Variants in COL5A3 observed in about 807,000 individuals in gnomAD.
COL5A3 encodes collagen alpha-3(V) chain.
Under a neutral mutation model 250.0 loss-of-function variants are expected in COL5A3, and 172 were observed. The ratio of observed to expected loss-of-function variants is 0.69; its 90% CI spans 0.61 to 0.78. The LOEUF is 0.78. Ranked by LOEUF, COL5A3 falls within the 30% of genes least tolerant of loss-of-function variation. COL5A3 has a pLI of 0.00. For missense variants in COL5A3, 2,340 were observed against 2,334.4 expected, an observed-to-expected ratio of 1.00 and a Z score of -0.05; for synonymous variants, 937 against 900.4, an observed-to-expected ratio of 1.04 and a Z score of -0.73.
At chr19:9,972,009 T>C (rs745688714) in intron 51 of COL5A3, among the ~76,000 whole-genome samples, 1 of 152,186 alleles carries the variant, frequency 6.6e-6, no homozygotes, top group Non-Finnish European at 1.5e-5. Context: ...TCCATTCGTT[T>C]ATTCACTCAT....
At chr19:9,980,070 G>A in intron 35 of COL5A3, 23 bp from the exon 36 acceptor site, 1 of 1,591,418 alleles carries the variant, frequency 6.3e-7, no homozygotes, top group South Asian at 1.1e-5. Context: ...CAGAAATCAT[G>A]ATCTCATCCC....
Position 9,968,583 on chromosome 19 carries a change from C to T in COL5A3, c.4207-91G>A. 6 of 1,574,224 alleles carry T rather than the reference C, an allele frequency of 3.8e-6. No individual in the cohort carries two copies. The highest frequency in any genetic ancestry group is 3.5e-6 in the Non-Finnish European group (4 of 1,149,260). ...AGCCTTAGGGTGATGAGTTTGGGAG[C>T]AGAGGATGCACCAATCTCCCAGCCC... On this transcript the variant is annotated intron_variant, in intron 58 of 66. Coordinates refer to ENST00000264828, the MANE Select transcript of COL5A3 (RefSeq NM_015719.4). This position sits in a 1 kb window ranked among gnomAD's most constrained non-coding sequence, Gnocchi z 4.1.
chr19:9,989,018 C>A (rs1225612068), intron 27 of COL5A3, 106 bp downstream of exon 27: 4 of 1,213,046 alleles, frequency 3.3e-6, no homozygotes, highest in Non-Finnish European at 4.9e-6. Context: ...TTTGGCCTGG[C>A]CAACTGATTC....
chr19:9,986,525 A>C (rs1287597716), intron 29 of COL5A3, 28 bp downstream of exon 29: 1 of 1,611,354 alleles, frequency 6.2e-7, no homozygotes, highest in Admixed American at 1.7e-5. Flanking sequence ...CCAGACCCAC[A>C]CCACCCCTCA....
chr19:9,971,173 T>C, intron 52 of COL5A3, 32 bp downstream of exon 52: 1 of 1,525,426 alleles, frequency 6.6e-7, no homozygotes. Flanking sequence ...AATTAGGAAA[T>C]ATGCCAGGAT....
intron 41 of COL5A3, among the ~76,000 whole-genome samples, chr19:9,978,166 A>C (rs1306700456): frequency 6.6e-6 from 1 of 151,898 alleles, no homozygotes; most frequent in Non-Finnish European, 1.5e-5. Context: ...TACTGGATAA[A>C]TGATCTCAAT....
chr19:10,001,066 A>G (rs1234804388), intron 8 of COL5A3, among the ~76,000 whole-genome samples: 1 of 152,220 alleles, frequency 6.6e-6, no homozygotes, highest in Non-Finnish European at 1.5e-5. Flanking sequence ...CTATGTAACA[A>G]GCCTGCACTT....
intron 64 of COL5A3, among the ~76,000 whole-genome samples, chr19:9,964,068 G>A (rs2145048201): frequency 6.6e-6 from 1 of 152,276 alleles, no homozygotes; most frequent in South Asian, 2.1e-4. Flanking sequence ...AGCTACTCGG[G>A]AGGCTAAGGC....
At position 10,010,468 on chromosome 19, in the gene COL5A3, T is replaced by C. The variant is rs2087514794; in HGVS notation, c.-83A>G. The C allele has an allele frequency of 2.2e-6, 2 of 917,664 alleles. No individual in the cohort carries two copies. The highest frequency in any genetic ancestry group is 3.2e-5 in the South Asian group (1 of 30,874). 56.8% of individuals were successfully genotyped at this position (917,664 alleles called of 1,614,324 possible). On this transcript the variant is annotated 5_prime_UTR_variant, in exon 1 of 67. Transcript: ENST00000264828. ...GACTTCTCGGGCTCGGTGCAGTCAC[T>C]CGCGGCGGCCGCTCCTCTCAGGGTC...
rs2161468 is a variant in COL5A3, at chr19:9,977,595, C to A, written c.3125G>T (p.Arg1042Leu). 9 of 1,581,062 alleles carry A rather than the reference C, an allele frequency of 5.7e-6. No individual in the cohort carries two copies. Among genetic ancestry groups the A allele is most frequent in the South Asian group, 1.2e-5 (1 of 85,840 alleles). Residue 1042 changes from arginine (R) to leucine (L), a missense_variant and splice_region_variant, in exon 42 of 67, where the codon CGG becomes CTG. By Grantham distance (102) the Arg-to-Leu change is moderately radical. This residue lies in a region of COL5A3 where 1,179 missense variants were observed against 1,162.6 expected (regional missense o/e 1.01). Coordinates refer to ENST00000264828, the MANE Select transcript of COL5A3 (RefSeq NM_015719.4). Reference protein sequence around the residue: ...PVGPAGKKGSRGERGPPGPTG... With the variant: ...PVGPAGKKGSLGERGPPGPTG... ...GAATGGGATGGGCAAGTCACTTACC[C>A]GGGACCCCTTCTTGCCTGCAGGGCC... is the stretch of plus-strand genomic sequence containing the variant.
At position 9,992,025 on chromosome 19, in the gene COL5A3, A is replaced by C; in HGVS notation, c.1872T>G (p.Ala624=). The change falls in exon 22 of 67, where the codon GCT becomes GCG. Residue 624 remains alanine (A), a synonymous_variant. Coordinates refer to ENST00000264828, the MANE Select transcript of COL5A3 (RefSeq NM_015719.4). The part of the protein sequence containing the change: ...GRPGVTGIDG[A]PGAKGNVGPP... ...ATACCACATTGCCTTTGGCACCAGG[A>C]GCACCATCAATTCCAGTCACACCCT... 6.2e-7 allele frequency: 1 copy of C among 1,613,872 alleles called. No individual in the cohort carries two copies. Among genetic ancestry groups the C allele is most frequent in the East Asian group, 2.2e-5 (1 of 44,872 alleles).
Position 10,003,601 on chromosome 19 carries a change from C to A in COL5A3, c.813G>T (p.Trp271Cys), listed in dbSNP as rs777715844. The change falls in exon 6 of 67, where the codon TGG (tryptophan) becomes TGT (cysteine). Residue 271 changes from tryptophan (W) to cysteine (C), a missense_variant. Physicochemically the swap from Trp to Cys is radical, Grantham distance 215 (BLOSUM62 -2). Around this residue, in one of 3 missense-constraint regions of COL5A3, gnomAD observed 1,152 missense variants for 1,146.3 expected, o/e 1.00. Coordinates refer to ENST00000264828, the MANE Select transcript of COL5A3 (RefSeq NM_015719.4). ...CGGAGTCAGGAGGTGGACTTGAGGT[C>A]CAAATTTCCTTGTTCTTTTTCCTGC... is the stretch of plus-strand genomic sequence containing the variant. ...GKGRKKNKEIWTSSPPPDSAE... is the reference protein window; with the variant it reads ...GKGRKKNKEICTSSPPPDSAE... 5.4e-5 allele frequency: 87 copies of A among 1,614,038 alleles called. No individual in the cohort carries two copies. In the Admixed American group the frequency reaches 1.4e-3, roughly 27 times the overall value.
In COL5A3 at chr19:10,005,509, C is replaced by T. The variant is rs748959520; in HGVS notation, c.594+49G>A. On this transcript the variant is annotated intron_variant, in intron 4 of 66. Transcript: ENST00000264828. The stretch of plus-strand genomic sequence containing the variant: ...ATCCTCTCCAGATTCAGGCTGTAGA[C>T]AAAACATCCCACCCTCTGCCTCAGT... The T allele has an allele frequency of 8.2e-6, 13 of 1,584,158 alleles. No homozygotes were observed. In the South Asian group the frequency reaches 1.3e-4, roughly 16 times the overall value.
At chr19:9,999,031 T>G (rs954338839) in intron 8 of COL5A3, among the ~76,000 whole-genome samples, 1 of 110,216 alleles carries the variant, frequency 9.1e-6, no homozygotes, top group Non-Finnish European at 1.8e-5. Flanking sequence ...TCTTTCTCTT[T>G]CTTTTTCTTT....
chr19:9,981,713 G>A (rs765534473), intron 32 of COL5A3, among the ~76,000 whole-genome samples: 40 of 152,238 alleles, frequency 2.6e-4, no homozygotes, highest in Middle Eastern at 3.4e-3. Context: ...GTCCTTTCAC[G>A]CATATGTACA....
chr19:9,970,024 TA>T (rs1264817160), intron 54 of COL5A3, 102 bp from the exon 55 acceptor site: 11 of 723,692 alleles, frequency 1.5e-5, no homozygotes, highest in East Asian at 2.9e-5. Flanking sequence ...GTGGGGTCTG[TA>T]AGGTGAGTGG....
chr19:9,961,438 C>T lies in COL5A3; in HGVS notation c.4852-548G>A, dbSNP rs141182621. Among the ~76,000 whole-genome samples, 630 of 152,082 alleles carry T rather than the reference C, an allele frequency of 4.1e-3. 3 individuals are homozygous for T. The highest frequency in any genetic ancestry group is 0.015 in the African/African-American group (621 of 41,486). On this transcript the variant is annotated intron_variant, in intron 65 of 66. Coordinates refer to ENST00000264828, the MANE Select transcript of COL5A3 (RefSeq NM_015719.4). ...GGGGTGCACTGGCACAATCCTGGCT[C>T]ATTCCAGCCTCCATCTCCTGAGCTC...
intron 24 of COL5A3, among the ~76,000 whole-genome samples, chr19:9,991,174 C>G (rs542248217): frequency 1.8e-4 from 27 of 152,288 alleles, no homozygotes; most frequent in Non-Finnish European, 3.2e-4. Context: ...CTGGGGAAGT[C>G]AAGGCTGCAG....
intron 8 of COL5A3, among the ~76,000 whole-genome samples, chr19:9,999,005 CT>C (rs1053666413): frequency 7.1e-6 from 1 of 141,394 alleles, no homozygotes; most frequent in African/African-American, 2.8e-5. Context: ...TCCTTTCTTT[CT>C]TTTCTTTCTT....
Sources: allele counts gnomAD v4.1 joint callset (sites outside exome capture counted in the v4.1 genomes callset), GRCh38; gene constraint gnomAD v4.1.1; regional missense constraint gnomAD v4.1.1; non-coding constraint Gnocchi (gnomAD v3.1); transcripts MANE v1.5; gene names NCBI Gene and HGNC (gene_info 2026-07-23, HGNC 2026-07-21).